HIVEP2: variants seen among roughly 807,000 people sequenced by gnomAD.
HIVEP2 encodes transcription factor HIVEP2.
Under a neutral mutation model 180.7 loss-of-function variants are expected in HIVEP2, and 14 were observed. The observed-to-expected ratio is 0.08, with a 90% CI of 0.05 to 0.12. The LOEUF is 0.12. Ranked by LOEUF, HIVEP2 falls within the 10% of genes least tolerant of loss-of-function variation. HIVEP2 has a pLI of 1.00. For synonymous variants in HIVEP2, 1,184 were observed against 1,136.4 expected, an observed-to-expected ratio of 1.04 and a Z score of -0.84; for missense variants, 2,579 against 3,008.5, an observed-to-expected ratio of 0.86 and a Z score of 3.34.
At chr6:142,867,146 G>T (rs142884157) in intron 1 of HIVEP2, among the ~76,000 whole-genome samples, 3 of 152,230 alleles carry the variant, frequency 2.0e-5, no homozygotes, top group Non-Finnish European at 2.9e-5. Flanking sequence ...ACACTTATTA[G>T]GAAGCATCAC....
At chr6:142,944,427 C>CCA (rs34581763) in intron 1 of HIVEP2, among the ~76,000 whole-genome samples, 3,090 of 146,842 alleles carry the variant, frequency 0.021, 39 homozygotes, top group African/African-American at 0.034. Flanking sequence ...CCCCACACAC[C>CCA]CACACACACA....
intron 1 of HIVEP2, among the ~76,000 whole-genome samples, chr6:142,872,460 G>T (rs1213925815): frequency 6.6e-6 from 1 of 152,168 alleles, no homozygotes; most frequent in African/African-American, 2.4e-5. Context: ...ACCTTTCAAA[G>T]TCAGTTTATT....
intron 2 of HIVEP2, among the ~76,000 whole-genome samples, chr6:142,799,338 C>G (rs1215310201): frequency 1.3e-5 from 2 of 152,066 alleles, no homozygotes; most frequent in Non-Finnish European, 2.9e-5. Context: ...ACATTCTCGT[C>G]CTAAGTGCAG....
intron 1 of HIVEP2, among the ~76,000 whole-genome samples, chr6:142,917,275 C>A (rs1266402434): frequency 6.6e-6 from 1 of 152,156 alleles, no homozygotes; most frequent in Non-Finnish European, 1.5e-5. Flanking sequence ...ATATGAAAAA[C>A]AGAATACATG....
intron 1 of HIVEP2, among the ~76,000 whole-genome samples, chr6:142,884,845 GAA>G (rs1206034009): frequency 3.3e-5 from 5 of 152,102 alleles, no homozygotes; most frequent in Admixed American, 1.3e-4. Context: ...AAGACAATGA[GAA>G]AACATTTTTG....
chr6:142,920,358 G>A (rs1582966944), intron 1 of HIVEP2, among the ~76,000 whole-genome samples: 1 of 152,324 alleles, frequency 6.6e-6, no homozygotes, highest in East Asian at 1.9e-4. Context: ...TCCGTCACAT[G>A]TGAGTGGCTC....
chr6:142,777,954 G>A (rs1775747572), intron 3 of HIVEP2, among the ~76,000 whole-genome samples: 2 of 152,238 alleles, frequency 1.3e-5, no homozygotes, highest in South Asian at 4.2e-4. Flanking sequence ...GACAGAAGTT[G>A]CACTTTGAGA....
chr6:142,759,636 C>T, intron 9 of HIVEP2, 136 bp downstream of exon 9: 1 of 704,870 alleles, frequency 1.4e-6, no homozygotes, highest in Non-Finnish European at 2.4e-6. Flanking sequence ...AAAATGTCTC[C>T]CCGCTATTTT....
intron 2 of HIVEP2, among the ~76,000 whole-genome samples, chr6:142,805,472 T>A (rs980951575): frequency 6.7e-6 from 1 of 149,532 alleles, no homozygotes; most frequent in African/African-American, 2.5e-5. Context: ...ACTTAGAGCT[T>A]GCTCTTTCTG....
At chr6:142,783,173 C>T (rs1273085249) in intron 3 of HIVEP2, among the ~76,000 whole-genome samples, 2 of 151,670 alleles carry the variant, frequency 1.3e-5, no homozygotes, top group Admixed American at 1.3e-4. Context: ...ACTAAAAATA[C>T]AAAAATTAGC....
intron 2 of HIVEP2, among the ~76,000 whole-genome samples, chr6:142,820,297 T>TTCTCTCTCTCTC (rs3057563): frequency 0.062 from 9,143 of 148,264 alleles, 370 homozygotes; most frequent in Middle Eastern, 0.086. Context: ...TCGCTCTCTC[T>TTCTCTCTCTCTC]TCTCTCTCTC....
intron 1 of HIVEP2, among the ~76,000 whole-genome samples, chr6:142,844,690 C>A (rs1257439103): frequency 6.6e-6 from 1 of 152,130 alleles, no homozygotes; most frequent in Non-Finnish European, 1.5e-5. Context: ...TAACAAGATA[C>A]CTGTAACACT....
chr6:142,798,795 T>C (rs1216848011), intron 2 of HIVEP2, among the ~76,000 whole-genome samples: 1 of 152,162 alleles, frequency 6.6e-6, no homozygotes, highest in Non-Finnish European at 1.5e-5. Context: ...TCCTAACATG[T>C]TTCTTTATTA....
chr6:142,770,446 G>C lies in HIVEP2; in HGVS notation c.4293C>G (p.Ser1431Arg). The C allele has an allele frequency of 5.0e-6, 8 of 1,614,136 alleles. No individual in the cohort carries two copies. The highest frequency in any genetic ancestry group is 5.9e-6 in the Non-Finnish European group (7 of 1,180,034). ...IPLCLPSTSD[S>R]VATLGGSKRM... ...GCTTGCTACCTCCCAGGGTGGCCACGCTGTCAGAGGTGGAAGGTAAACACA... is the reference window on the plus strand; with the variant it reads ...GCTTGCTACCTCCCAGGGTGGCCACCCTGTCAGAGGTGGAAGGTAAACACA... The change falls in exon 5 of 10, where the codon AGC becomes AGG. Residue 1431 changes from serine to arginine, a missense_variant. This residue lies in a region of HIVEP2 where 29 missense variants were observed against 64.7 expected (regional missense o/e 0.45). Transcript: ENST00000367603. This position sits in a 1 kb window ranked among gnomAD's most constrained non-coding sequence, Gnocchi z 4.7.
At chr6:142,890,357 T>C (rs1776826942) in intron 1 of HIVEP2, among the ~76,000 whole-genome samples, 1 of 152,268 alleles carries the variant, frequency 6.6e-6, no homozygotes, top group Non-Finnish European at 1.5e-5. Flanking sequence ...TCAGCTTTTA[T>C]TGCGTGTACT....
chr6:142,833,121 A>C (rs900622057), intron 2 of HIVEP2, among the ~76,000 whole-genome samples: 4 of 152,206 alleles, frequency 2.6e-5, no homozygotes, highest in African/African-American at 9.6e-5. Context: ...ACAGAGTTGG[A>C]TTCTGGTTCT....
chr6:142,843,890 G>A (rs1289715885), intron 1 of HIVEP2, among the ~76,000 whole-genome samples: 1 of 152,158 alleles, frequency 6.6e-6, no homozygotes, highest in Non-Finnish European at 1.5e-5. Flanking sequence ...GTTAACATAT[G>A]TCTTTAATGA....
intron 1 of HIVEP2, among the ~76,000 whole-genome samples, chr6:142,842,709 AT>A (rs1203676407): frequency 1.3e-5 from 2 of 152,208 alleles, no homozygotes; most frequent in African/African-American, 2.4e-5. Context: ...AGAGTTCAAA[AT>A]AGCAAGCTGA....
At chr6:142,869,100 A>G (rs1297967538) in intron 1 of HIVEP2, among the ~76,000 whole-genome samples, 6 of 152,204 alleles carry the variant, frequency 3.9e-5, no homozygotes, top group African/African-American at 1.2e-4. Context: ...AAGGAAAACT[A>G]CTGGTATCTA....
Sources: gnomAD v4.1 joint callset for allele counts (sites outside exome capture counted in the v4.1 genomes callset) on GRCh38, gnomAD v4.1.1 for gene constraint, gnomAD v4.1.1 regional missense constraint, Gnocchi (gnomAD v3.1) non-coding constraint, MANE v1.5 for transcripts, NCBI Gene and HGNC (gene_info 2026-07-23, HGNC 2026-07-21) for gene names.